PPP1R36: variants seen among roughly 807,000 people sequenced by gnomAD.
PPP1R36 encodes the protein protein phosphatase 1 regulatory subunit 36, also known as chromosome 14 open reading frame 50.
A neutral mutation model predicts 53.4 loss-of-function variants in PPP1R36; 47 were observed. The observed-to-expected ratio is 0.88, with a 90% confidence interval of 0.70 to 1.12. The LOEUF is 1.12. Ranked by LOEUF, PPP1R36 falls within the 50% of genes most tolerant of loss-of-function variation. The pLI, the probability that PPP1R36 is intolerant of heterozygous loss-of-function variation, is 0.00. For synonymous variants in PPP1R36, 153 were observed against 170.5 expected (o/e 0.90, Z 0.80); for missense variants, 456 against 513.9 (o/e 0.89, Z 1.09).
At chr14:64,584,302 G>C (rs2080414531) in intron 8 of PPP1R36, among the ~76,000 whole-genome samples, 1 of 152,182 alleles carries the variant, frequency 6.6e-6, no homozygotes, top group Admixed American at 6.5e-5. Flanking sequence ...TGCTAAGATG[G>C]TGCTGGTTTG....
chr14:64,577,857 C>T (rs1192993719), intron 8 of PPP1R36, among the ~76,000 whole-genome samples: 4 of 149,758 alleles, frequency 2.7e-5, no homozygotes, highest in African/African-American at 9.8e-5. Flanking sequence ...TCCCGAGTAG[C>T]TGGGACTACA....
intron 8 of PPP1R36, among the ~76,000 whole-genome samples, chr14:64,582,848 A>T (rs930370274): frequency 6.6e-6 from 1 of 151,690 alleles, no homozygotes; most frequent in African/African-American, 2.4e-5. Context: ...TGGGAGGCTT[A>T]AATTTTGTTA....
intron 7 of PPP1R36, among the ~76,000 whole-genome samples, chr14:64,573,913 C>CAAA (rs35427371): frequency 1.5e-3 from 49 of 32,520 alleles, no homozygotes; most frequent in African/African-American, 3.0e-3. Context: ...GACTCTGTCT[C>CAAA]AAAAAAAAAA....
intron 8 of PPP1R36, among the ~76,000 whole-genome samples, chr14:64,581,420 G>A (rs969527630): frequency 5.9e-5 from 9 of 152,140 alleles, no homozygotes; most frequent in Admixed American, 2.0e-4. Context: ...GGGGGTCTGA[G>A]TTTCTGAAAA....
chr14:64,552,968 A>G, intron 3 of PPP1R36, 107 bp downstream of exon 3: 1 of 1,080,092 alleles, frequency 9.3e-7, no homozygotes, highest in Non-Finnish European at 1.4e-6. Flanking sequence ...ATAAATATTA[A>G]GTGCCAATTT....
chr14:64,562,417 C>T (rs10138919), intron 3 of PPP1R36, among the ~76,000 whole-genome samples: 123,001 of 151,964 alleles, frequency 0.81, 49,929 homozygotes, highest in East Asian at 0.87. Context: ...GCTGAGATCA[C>T]GCCACTCCAG....
chr14:64,555,724 G>A (rs901425433), intron 3 of PPP1R36, among the ~76,000 whole-genome samples: 3 of 151,826 alleles, frequency 2.0e-5, no homozygotes, highest in Non-Finnish European at 2.9e-5. Flanking sequence ...GCAAGACCCC[G>A]TCTCTTAAAA....
chr14:64,553,839 A>AAC (rs1426984743), intron 3 of PPP1R36, among the ~76,000 whole-genome samples: 1 of 150,814 alleles, frequency 6.6e-6, no homozygotes, highest in South Asian at 2.1e-4. Context: ...AAAAAAAAAA[A>AAC]AACAACAACT....
intron 3 of PPP1R36, among the ~76,000 whole-genome samples, chr14:64,556,572 G>A (rs2080153878): frequency 6.6e-6 from 1 of 151,662 alleles, no homozygotes; most frequent in East Asian, 2.0e-4. Flanking sequence ...GACCAGCCTG[G>A]GCAACATAGT....
chr14:64,580,366 C>A (rs12588437), intron 8 of PPP1R36, among the ~76,000 whole-genome samples: 24,506 of 152,148 alleles, frequency 0.16, 2,286 homozygotes, highest in East Asian at 0.21. Flanking sequence ...ATATACATTG[C>A]AAACCAATGT....
intron 8 of PPP1R36, among the ~76,000 whole-genome samples, chr14:64,579,008 C>T (rs2080365657): frequency 6.6e-6 from 1 of 152,130 alleles, no homozygotes; most frequent in Non-Finnish European, 1.5e-5. Context: ...AGCACAGGAG[C>T]AGAAAACGAA....
intron 7 of PPP1R36, among the ~76,000 whole-genome samples, chr14:64,572,365 T>C (rs1249552458): frequency 2.0e-5 from 3 of 152,346 alleles, no homozygotes; most frequent in East Asian, 3.9e-4. Context: ...AGTGAACCAC[T>C]AACTGGCTTT....
At chr14:64,580,742 C>T (rs1480363417) in intron 8 of PPP1R36, among the ~76,000 whole-genome samples, 3 of 152,056 alleles carry the variant, frequency 2.0e-5, no homozygotes, top group East Asian at 1.9e-4. Flanking sequence ...TGCCATGATT[C>T]GGAAGTTTAT....
At chr14:64,550,321 C>CTCTA in intron 1 of PPP1R36, 1 of 1,301,670 alleles carries the variant, frequency 7.7e-7, no homozygotes, top group East Asian at 3.3e-5. Context: ...ACCTCACCAC[C>CTCTA]TCTAATTGGT....
At chr14:64,552,653 TATAAATATAATGACATGTTTCATGATAA>T in intron 2 of PPP1R36, 133 bp from the exon 3 acceptor site, 1 of 592,992 alleles carries the variant, frequency 1.7e-6, no homozygotes, top group Middle Eastern at 4.3e-4. Flanking sequence ...ATAGTTACAT[TATAAATATAATGACATGTTTCATGATAA>T]TTAAACAAAT....
intron 8 of PPP1R36, among the ~76,000 whole-genome samples, chr14:64,577,255 C>T (rs542427866): frequency 6.6e-6 from 1 of 152,270 alleles, no homozygotes; most frequent in African/African-American, 2.4e-5. Flanking sequence ...CTTCCAAAGG[C>T]CTCACATCCT....
At chr14:64,553,837 A>C (rs1039427934) in intron 3 of PPP1R36, among the ~76,000 whole-genome samples, 20 of 151,096 alleles carry the variant, frequency 1.3e-4, no homozygotes, top group Admixed American at 3.9e-4. Flanking sequence ...AAAAAAAAAA[A>C]AAAACAACAA....
chr14:64,587,265 A>C lies in PPP1R36; in HGVS notation c.783A>C (p.Glu261Asp). 6.2e-7 allele frequency: 1 copy of C among 1,613,618 alleles called. No individual in the cohort carries two copies. The highest frequency in any genetic ancestry group is 8.5e-7 in the Non-Finnish European group (1 of 1,179,550). Residue 261 changes from glutamate to aspartate, a missense_variant, in exon 10 of 12, where the codon GAA (glutamate) becomes GAC (aspartate). Transcript: ENST00000298705. Reference protein sequence around the residue: ...FRRQHLTEIEEEVGRLFRTNM... With the variant: ...FRRQHLTEIEDEVGRLFRTNM... ...GTCAACACTTGACAGAGATTGAAGA[A>C]GAAGTAGGGAGACTCTTTCGTACCA...
chr14:64,562,052 T>C (rs149426136), intron 3 of PPP1R36: 40 of 309,034 alleles, frequency 1.3e-4, no homozygotes, highest in African/African-American at 8.5e-4. Context: ...CATGATTATA[T>C]TGTAATATTA....
Sources: allele counts gnomAD v4.1 joint callset (sites outside exome capture counted in the v4.1 genomes callset), GRCh38; gene constraint gnomAD v4.1.1; transcripts MANE v1.5; gene names NCBI Gene and HGNC (gene_info 2026-07-23, HGNC 2026-07-21).